The following OPCML variants were observed in gnomAD, a reference collection of about 807,000 sequenced individuals.
OPCML encodes opioid binding protein/cell adhesion molecule like.
Under a neutral mutation model 37.8 loss-of-function variants are expected in OPCML, and 13 were observed. The ratio of observed to expected loss-of-function variants is 0.34; its 90% confidence interval spans 0.22 to 0.55. OPCML has a LOEUF of 0.55. OPCML is among the 20% of genes least tolerant of loss of function. OPCML has a pLI of 0.91. For missense variants in OPCML, 341 were observed against 435.6 expected (o/e 0.78, Z 1.93); for synonymous variants, 176 against 168.8 (o/e 1.04, Z -0.33).
At chr11:132,529,694 A>G (rs1422387472) in intron 3 of OPCML, among the ~76,000 whole-genome samples, 1 of 152,186 alleles carries the variant, frequency 6.6e-6, no homozygotes, top group Non-Finnish European at 1.5e-5. Flanking sequence ...AGGTTGTTCC[A>G]TTGTGGAACT....
chr11:132,634,783 A>T (rs1258851095), intron 3 of OPCML, among the ~76,000 whole-genome samples: 1 of 152,188 alleles, frequency 6.6e-6, no homozygotes, highest in Non-Finnish European at 1.5e-5. Context: ...ATCACTTAGA[A>T]TCAAGTGGCA....
At chr11:132,630,947 A>G (rs1366467922) in intron 3 of OPCML, among the ~76,000 whole-genome samples, 1 of 152,214 alleles carries the variant, frequency 6.6e-6, no homozygotes, top group Non-Finnish European at 1.5e-5. Context: ...ATACATAAAA[A>G]CAAATGAACT....
At chr11:133,483,996 G>A (rs187703611) in intron 1 of OPCML, among the ~76,000 whole-genome samples, 1 of 151,048 alleles carries the variant, frequency 6.6e-6, no homozygotes, top group Admixed American at 6.6e-5. Flanking sequence ...TAGCTAGCTA[G>A]CTAGATAGAT....
At chr11:132,521,680 T>TG (rs1027059024) in intron 4 of OPCML, among the ~76,000 whole-genome samples, 3 of 152,050 alleles carry the variant, frequency 2.0e-5, no homozygotes, top group African/African-American at 7.2e-5. Flanking sequence ...ACCTAGATGA[T>TG]GGGTTGATAG....
intron 1 of OPCML, among the ~76,000 whole-genome samples, chr11:133,405,832 A>C (rs1274084003): frequency 6.6e-6 from 1 of 152,066 alleles, no homozygotes; most frequent in Non-Finnish European, 1.5e-5. Context: ...AAGCCCTCCA[A>C]ATCTAGGCCC....
intron 1 of OPCML, among the ~76,000 whole-genome samples, chr11:133,080,011 C>A (rs1948685252): frequency 6.6e-6 from 1 of 152,196 alleles, no homozygotes; most frequent in Admixed American, 6.5e-5. Flanking sequence ...TAAGGAGGAG[C>A]ATTTTAGCAG....
chr11:133,061,278 C>G (rs1413603110), intron 1 of OPCML, among the ~76,000 whole-genome samples: 1 of 152,232 alleles, frequency 6.6e-6, no homozygotes, highest in Admixed American at 6.5e-5. Context: ...AGCTGGGGAA[C>G]TATTGGCAGA....
intron 1 of OPCML, among the ~76,000 whole-genome samples, chr11:133,440,337 T>C (rs1169802788): frequency 6.8e-6 from 1 of 147,002 alleles, no homozygotes; most frequent in Non-Finnish European, 1.5e-5. Flanking sequence ...AGGCATAGGT[T>C]GCGGTGAGCC....
At chr11:132,482,474 C>T (rs1328936026) in intron 4 of OPCML, among the ~76,000 whole-genome samples, 4 of 152,000 alleles carry the variant, frequency 2.6e-5, no homozygotes, top group Admixed American at 1.3e-4. Context: ...GATTCACAGC[C>T]GAATTCTACC....
chr11:132,551,814 G>A (rs1296824532), intron 3 of OPCML, among the ~76,000 whole-genome samples: 2 of 152,146 alleles, frequency 1.3e-5, no homozygotes, highest in Non-Finnish European at 2.9e-5. Flanking sequence ...ACCGATTTGA[G>A]TAATAATAAA....
chr11:133,517,500 C>G (rs1948304873), intron 1 of OPCML, among the ~76,000 whole-genome samples: 1 of 152,202 alleles, frequency 6.6e-6, no homozygotes, highest in African/African-American at 2.4e-5. Context: ...TAAAGGGCAA[C>G]AGGGAGTCAG....
intron 1 of OPCML, among the ~76,000 whole-genome samples, chr11:133,516,852 A>C (rs1948288609): frequency 6.6e-6 from 1 of 152,304 alleles, no homozygotes; most frequent in Non-Finnish European, 1.5e-5. Flanking sequence ...TAAACAACAG[A>C]ATATTCTGGA....
chr11:132,490,079 C>G (rs2096211167), intron 4 of OPCML, among the ~76,000 whole-genome samples: 1 of 151,958 alleles, frequency 6.6e-6, no homozygotes, highest in Admixed American at 6.6e-5. Context: ...TTTTCTTTAT[C>G]CAGTCTATCA....
At chr11:132,653,201 T>A (rs1258267996) in intron 3 of OPCML, among the ~76,000 whole-genome samples, 2 of 152,166 alleles carry the variant, frequency 1.3e-5, no homozygotes, top group Non-Finnish European at 2.9e-5. Context: ...ATCACTAGCA[T>A]TTCTCCAAAC....
At chr11:133,101,634 G>T (rs1000270477) in intron 1 of OPCML, among the ~76,000 whole-genome samples, 1 of 152,128 alleles carries the variant, frequency 6.6e-6, no homozygotes, top group Non-Finnish European at 1.5e-5. Flanking sequence ...ATGCAAAATT[G>T]TATGGCTATT....
chr11:132,465,725 T>C (rs1321876939), intron 4 of OPCML, among the ~76,000 whole-genome samples: 2 of 152,206 alleles, frequency 1.3e-5, no homozygotes, highest in Admixed American at 1.3e-4. Context: ...TTATAACTTC[T>C]GCACTTTGAG....
intron 1 of OPCML, among the ~76,000 whole-genome samples, chr11:133,463,378 G>C (rs1266379724): frequency 1.3e-5 from 2 of 151,946 alleles, no homozygotes; most frequent in Non-Finnish European, 2.9e-5. Flanking sequence ...GTGTACACTT[G>C]AAAATGCTTA....
In OPCML at chr11:133,140,907, C is replaced by A. The variant is rs375434154; in HGVS notation, c.62-197897G>T. ...ACGACGACGACGAAGACGACGACGA[C>A]GAAGAAGAAGAAGACGACGACGACG... On this transcript the variant is annotated intron_variant, in intron 1 of 7. Coordinates refer to ENST00000524381, the MANE Select transcript of OPCML (RefSeq NM_001012393.5). 3.5e-3 allele frequency among the ~76,000 whole-genome samples: 17 copies of A among 4,834 alleles called. 3 individuals are homozygous for A. Among genetic ancestry groups the A allele is most frequent in the African/African-American group, 3.4e-3 (12 of 3,556 alleles). The allele number at this position is 4,834 out of a possible 152,430, so 3.2% of individuals were successfully genotyped here.
At chr11:132,735,099 A>G (rs138773954) in intron 2 of OPCML, among the ~76,000 whole-genome samples, 13 of 152,324 alleles carry the variant, frequency 8.5e-5, no homozygotes, top group African/African-American at 2.9e-4. Flanking sequence ...TAGAGAAAAC[A>G]CTTTTAAATA....
Sources: allele counts gnomAD v4.1 joint callset (sites outside exome capture counted in the v4.1 genomes callset), GRCh38; gene constraint gnomAD v4.1.1; transcripts MANE v1.5; gene names NCBI Gene and HGNC (gene_info 2026-07-23, HGNC 2026-07-21).